Variants in AGBL1 observed in about 807,000 individuals in gnomAD.
AGBL1 encodes cytosolic carboxypeptidase 4.
Under a neutral mutation model 118.9 loss-of-function variants are expected in AGBL1, and 130 were observed. That is an observed-to-expected ratio of 1.09 (90% confidence interval 0.95 to 1.26). AGBL1 has a LOEUF of 1.26. Among genes scored for constraint, AGBL1 ranks in the 50% most tolerant of loss-of-function variants. The pLI is 0.00. For synonymous variants in AGBL1, 555 were observed against 478.9 expected, an observed-to-expected ratio of 1.16 and a Z score of -2.08; for missense variants, 1,584 against 1,298.1, an observed-to-expected ratio of 1.22 and a Z score of -3.38.
chr15:86,780,756 C>T (rs571056462), intron 22 of AGBL1, among the ~76,000 whole-genome samples: 50 of 151,876 alleles, frequency 3.3e-4, no homozygotes, highest in Admixed American at 1.3e-3. Flanking sequence ...TTCCACCTCC[C>T]GGGTTCAAGC....
chr15:86,161,477 C>T (rs1461855625), intron 5 of AGBL1, among the ~76,000 whole-genome samples: 1 of 152,232 alleles, frequency 6.6e-6, no homozygotes, highest in South Asian at 2.1e-4. Flanking sequence ...GGGATTTAAA[C>T]CCTGTCTGAT....
chr15:86,879,238 G>T (rs1306773380), intron 22 of AGBL1, among the ~76,000 whole-genome samples: 1 of 152,114 alleles, frequency 6.6e-6, no homozygotes, highest in Non-Finnish European at 1.5e-5. Context: ...TTTCATTTAT[G>T]CCAATCTAGT....
intron 18 of AGBL1, among the ~76,000 whole-genome samples, chr15:86,416,877 C>T (rs1309137561): frequency 6.6e-6 from 1 of 152,156 alleles, no homozygotes; most frequent in African/African-American, 2.4e-5. Flanking sequence ...ACCCAGTTTC[C>T]TGGCATAGAT....
chr15:86,517,991 C>T (rs1353016044), intron 18 of AGBL1, among the ~76,000 whole-genome samples: 2 of 152,172 alleles, frequency 1.3e-5, no homozygotes, highest in Non-Finnish European at 2.9e-5. Context: ...AAGCTGCTGC[C>T]TAAATCTCAA....
intron 5 of AGBL1, among the ~76,000 whole-genome samples, chr15:86,220,360 C>T (rs563542875): frequency 2.2e-4 from 34 of 152,114 alleles, no homozygotes; most frequent in African/African-American, 7.0e-4. Flanking sequence ...TCTAGCATTC[C>T]CGTGAAGATC....
intron 22 of AGBL1, among the ~76,000 whole-genome samples, chr15:86,847,646 G>C (rs2079338344): frequency 6.6e-6 from 1 of 152,298 alleles, no homozygotes; most frequent in African/African-American, 2.4e-5. Context: ...TCTACCCTCT[G>C]CCAACGGATC....
Position 86,143,782 on chromosome 15 carries a change from G to T in AGBL1, c.199G>T (p.Ala67Ser). ...GACCCTGGTAGACACAGCGAGGACA[G>T]CTCCTCCAGACTATGACATCCTCCT... ...LQTLVDTART[A>S]PPDYDILLPL... Residue 67 changes from alanine (A) to serine (S), a missense_variant, in exon 3 of 23, where the codon GCT becomes TCT. Physicochemically the swap from Ala to Ser is moderately conservative, Grantham distance 99. Coordinates refer to ENST00000614907, the MANE Select transcript of AGBL1 (RefSeq NM_001386094.1). 1 of 1,613,938 alleles carries T rather than the reference G, an allele frequency of 6.2e-7. No individual in the cohort carries two copies. Among genetic ancestry groups the T allele is most frequent in the Non-Finnish European group, 8.5e-7 (1 of 1,179,826 alleles).
chr15:86,993,538 G>A (rs1316010426), intron 24 of AGBL1, among the ~76,000 whole-genome samples: 2 of 152,158 alleles, frequency 1.3e-5, no homozygotes, highest in African/African-American at 2.4e-5. Context: ...TCACTGGCAG[G>A]GAGTCTGAGG....
In AGBL1 at chr15:86,818,307, G is replaced by A. The variant is rs1240262503; in HGVS notation, c.3159-88780G>A. On this transcript the variant is annotated intron_variant, in intron 22 of 22. Coordinates refer to ENST00000614907, the MANE Select transcript of AGBL1 (RefSeq NM_001386094.1). ...TAGGAACCAGGCCACACAACAGGAG[G>A]TGAGCAGTGGGCCAGTGAGCATGAC... 3.3e-5 allele frequency among the ~76,000 whole-genome samples: 5 copies of A among 152,300 alleles called. No individual in the cohort carries two copies. In the East Asian group the frequency reaches 9.7e-4, roughly 29 times the overall value.
intron 18 of AGBL1, among the ~76,000 whole-genome samples, chr15:86,409,837 C>T (rs1431242): frequency 0.28 from 42,880 of 151,888 alleles, 6,705 homozygotes; most frequent in East Asian, 0.62. Flanking sequence ...GATGTCTGTC[C>T]GCATTCCAAT....
intron 18 of AGBL1, among the ~76,000 whole-genome samples, chr15:86,481,097 C>T (rs1391077275): frequency 6.9e-6 from 1 of 144,054 alleles, no homozygotes; most frequent in African/African-American, 2.6e-5. Flanking sequence ...CCATGAAATG[C>T]AACTTGAACA....
chr15:86,313,785 G>A (rs2079956220), intron 17 of AGBL1, among the ~76,000 whole-genome samples: 1 of 152,194 alleles, frequency 6.6e-6, no homozygotes, highest in African/African-American at 2.4e-5. Flanking sequence ...CACTTTCTTG[G>A]AATAACTTTA....
chr15:86,817,587 C>CACAG (rs1297396695), intron 22 of AGBL1, among the ~76,000 whole-genome samples: 1 of 148,666 alleles, frequency 6.7e-6, no homozygotes, highest in African/African-American at 2.5e-5. Flanking sequence ...CACACACACA[C>CACAG]ACACACAGAG....
At chr15:86,559,546 A>G (rs766418604) in intron 21 of AGBL1, among the ~76,000 whole-genome samples, 2 of 152,234 alleles carry the variant, frequency 1.3e-5, no homozygotes, top group African/African-American at 4.8e-5. Flanking sequence ...CTCCAGTATT[A>G]TAATACACAA....
At chr15:86,398,703 A>T (rs2081402480) in intron 18 of AGBL1, among the ~76,000 whole-genome samples, 1 of 152,190 alleles carries the variant, frequency 6.6e-6, no homozygotes, top group African/African-American at 2.4e-5. Context: ...TTTAAGAAAC[A>T]ATTTAAGTGT....
At chr15:86,739,509 A>ATT (rs34011958) in intron 22 of AGBL1, among the ~76,000 whole-genome samples, 217 of 140,654 alleles carry the variant, frequency 1.5e-3, no homozygotes, top group Admixed American at 2.9e-3. Flanking sequence ...ATCAAGATTC[A>ATT]TTTTTTTTTT....
chr15:86,824,629 A>C (rs1335918949), intron 22 of AGBL1, among the ~76,000 whole-genome samples: 1 of 152,144 alleles, frequency 6.6e-6, no homozygotes, highest in Non-Finnish European at 1.5e-5. Context: ...AGTAGCTAAA[A>C]CAATTTTGAC....
chr15:87,001,842 ATTTG>A (rs2081441784), intron 24 of AGBL1, among the ~76,000 whole-genome samples: 1 of 151,898 alleles, frequency 6.6e-6, no homozygotes, highest in Non-Finnish European at 1.5e-5. Context: ...TTTCTTGTAA[ATTTG>A]TTTGAGTTCT....
intron 22 of AGBL1, among the ~76,000 whole-genome samples, chr15:86,841,909 T>C (rs1348433912): frequency 6.6e-6 from 1 of 152,194 alleles, no homozygotes; most frequent in African/African-American, 2.4e-5. Context: ...CTACCACTTA[T>C]TAAATATGGG....
Sources: gnomAD v4.1 joint callset for allele counts (sites outside exome capture counted in the v4.1 genomes callset) on GRCh38, gnomAD v4.1.1 for gene constraint, MANE v1.5 for transcripts, NCBI Gene and HGNC (gene_info 2026-07-23, HGNC 2026-07-21) for gene names.